Variants in TRDN observed in about 807,000 individuals in gnomAD.
TRDN encodes the protein triadin, also known as triadin in skeletal muscle.
TRDN carries 161 observed loss-of-function variants against 149.7 expected under a neutral mutation model. The ratio of observed to expected loss-of-function variants is 1.08; its 90% CI spans 0.95 to 1.23. The LOEUF is 1.23. TRDN is among the 50% of genes most tolerant of loss of function. The pLI is 0.00. For synonymous variants in TRDN, 294 were observed against 250.5 expected (o/e 1.17, Z -1.64); for missense variants, 896 against 823.5 (o/e 1.09, Z -1.08).
At chr6:123,279,125 T>A in intron 24 of TRDN, 43 bp from the exon 25 acceptor site, 1 of 1,504,366 alleles carries the variant, frequency 6.6e-7, no homozygotes, top group Non-Finnish European at 9.1e-7. Flanking sequence ...AGTCATACAA[T>A]TCTTATTAAA....
At chr6:123,313,750 G>C (rs745575967) in intron 24 of TRDN, among the ~76,000 whole-genome samples, 5 of 151,902 alleles carry the variant, frequency 3.3e-5, no homozygotes, top group Non-Finnish European at 5.9e-5. Flanking sequence ...AAAACTGACA[G>C]GATTCCCTAT....
intron 21 of TRDN, 121 bp from the exon 22 acceptor site, chr6:123,337,790 C>A: frequency 1.9e-6 from 1 of 536,286 alleles, no homozygotes; most frequent in Non-Finnish European, 3.3e-6. Context: ...TTGATATTCA[C>A]AATACAAATG....
At chr6:123,282,311 T>C (rs1181457238) in intron 24 of TRDN, among the ~76,000 whole-genome samples, 1 of 152,034 alleles carries the variant, frequency 6.6e-6, no homozygotes, top group South Asian at 2.1e-4. Context: ...ACAGTCATTA[T>C]TGAATAATGT....
chr6:123,590,693 C>T (rs1285531698), intron 1 of TRDN, among the ~76,000 whole-genome samples: 1 of 152,094 alleles, frequency 6.6e-6, no homozygotes, highest in East Asian at 1.9e-4. Context: ...ACTCTGGAAG[C>T]AGAGGTTGCA....
chr6:123,603,173 T>A (rs927627694), intron 1 of TRDN, among the ~76,000 whole-genome samples: 2 of 38,742 alleles, frequency 5.2e-5, no homozygotes, highest in Non-Finnish European at 1.5e-4. Flanking sequence ...GTACACATAA[T>A]CTAAACTAAG....
intron 12 of TRDN, among the ~76,000 whole-genome samples, chr6:123,434,205 A>G (rs1229444347): frequency 6.6e-6 from 1 of 152,156 alleles, no homozygotes; most frequent in Non-Finnish European, 1.5e-5. Flanking sequence ...CATCTTGGAC[A>G]TTCCTGAAAG....
chr6:123,331,362 A>G (rs1779651598), intron 23 of TRDN, among the ~76,000 whole-genome samples: 1 of 152,082 alleles, frequency 6.6e-6, no homozygotes, highest in Non-Finnish European at 1.5e-5. Context: ...TGTCTCCACT[A>G]CAAACTGTAA....
chr6:123,508,870 A>C (rs1163996832), intron 7 of TRDN, among the ~76,000 whole-genome samples: 2 of 152,136 alleles, frequency 1.3e-5, no homozygotes, highest in Non-Finnish European at 2.9e-5. Context: ...GATATTTTCT[A>C]TCTTTAATGT....
intron 23 of TRDN, among the ~76,000 whole-genome samples, chr6:123,323,698 C>G (rs1037871625): frequency 3.9e-5 from 6 of 152,318 alleles, no homozygotes; most frequent in South Asian, 2.1e-4. Context: ...GGCATTCTCT[C>G]TTTTCAGCAC....
intron 10 of TRDN, among the ~76,000 whole-genome samples, chr6:123,443,520 C>T (rs543997167): frequency 2.2e-3 from 330 of 152,086 alleles, no homozygotes; most frequent in African/African-American, 7.4e-3. Flanking sequence ...TGGCTGGGCA[C>T]GGTGGCTCAC....
At chr6:123,582,600 C>T (rs1783185242) in intron 1 of TRDN, among the ~76,000 whole-genome samples, 1 of 152,030 alleles carries the variant, frequency 6.6e-6, no homozygotes, top group South Asian at 2.1e-4. Flanking sequence ...ACAATGTCAT[C>T]AGTTAAGGCA....
chr6:123,615,636 G>A (rs1224011677), intron 1 of TRDN, among the ~76,000 whole-genome samples: 1 of 152,154 alleles, frequency 6.6e-6, no homozygotes, highest in Non-Finnish European at 1.5e-5. Flanking sequence ...TGTCAAGTGA[G>A]ATAGGCTAGA....
chr6:123,562,078 A>T (rs923073000), intron 2 of TRDN, among the ~76,000 whole-genome samples: 1 of 152,104 alleles, frequency 6.6e-6, no homozygotes, highest in Non-Finnish European at 1.5e-5. Flanking sequence ...TTAACTGATG[A>T]CATTACCTTG....
At chr6:123,473,132 G>A (rs770107674) in intron 9 of TRDN, among the ~76,000 whole-genome samples, 76 of 152,282 alleles carry the variant, frequency 5.0e-4, no homozygotes, top group Non-Finnish European at 9.9e-4. Context: ...GGCTTCAGAC[G>A]ATCAAATTAC....
intron 38 of TRDN, among the ~76,000 whole-genome samples, chr6:123,247,024 C>T (rs191749945): frequency 5.3e-4 from 81 of 152,134 alleles, no homozygotes; most frequent in Non-Finnish European, 5.9e-4. Context: ...TCAATAGATG[C>T]GGAAAAGTCC....
At chr6:123,474,349 C>A (rs961719735) in intron 9 of TRDN, among the ~76,000 whole-genome samples, 2 of 152,022 alleles carry the variant, frequency 1.3e-5, no homozygotes, top group South Asian at 2.1e-4. Flanking sequence ...ACAAAGAAGG[C>A]CATTACATAA....
In TRDN at chr6:123,266,400, A is replaced by G. The variant is rs1475922146; in HGVS notation, c.1784-1062T>C. Among the ~76,000 whole-genome samples the G allele has an allele frequency of 1.9e-5, 2 of 106,730 alleles. 1 individual carries two copies. The highest frequency in any genetic ancestry group is 3.3e-5 in the Non-Finnish European group (2 of 60,202). The allele number at this position is 106,730 out of a possible 152,430, so 70.0% of individuals were successfully genotyped here. On this transcript the variant is annotated intron_variant, in intron 32 of 40. Coordinates refer to ENST00000334268, the MANE Select transcript of TRDN (RefSeq NM_006073.4). ...ATATAATATATATATTATGATATGT[A>G]TTATATATAATATATAGATTATGAT...
chr6:123,257,366 A>G (rs977370108), intron 35 of TRDN, among the ~76,000 whole-genome samples: 1 of 152,074 alleles, frequency 6.6e-6, no homozygotes. Flanking sequence ...TGGCAAGCCA[A>G]TTTTCCCAAC....
At chr6:123,601,339 A>C (rs148247462) in intron 1 of TRDN, among the ~76,000 whole-genome samples, 67 of 152,264 alleles carry the variant, frequency 4.4e-4, no homozygotes, top group African/African-American at 1.6e-3. Flanking sequence ...CAACAGGTTA[A>C]AGAAACTCAG....
Sources: gnomAD v4.1 joint callset for allele counts (sites outside exome capture counted in the v4.1 genomes callset) on GRCh38, gnomAD v4.1.1 for gene constraint, MANE v1.5 for transcripts, NCBI Gene and HGNC (gene_info 2026-07-23, HGNC 2026-07-21) for gene names.